The following ROBO2 variants were observed in gnomAD, a reference collection of about 807,000 sequenced individuals.
The protein encoded by ROBO2 is roundabout guidance receptor 2.
Under a neutral mutation model 160.8 loss-of-function variants are expected in ROBO2, and 53 were observed. The observed-to-expected ratio is 0.33, with a 90% CI of 0.26 to 0.41. ROBO2 has a LOEUF of 0.41. Among genes scored for constraint, ROBO2 ranks in the 10% least tolerant of loss-of-function variants. The pLI, the probability that ROBO2 is intolerant of heterozygous loss-of-function variation, is 1.00. For missense variants in ROBO2, 1,577 were observed against 1,722.4 expected (o/e 0.92, Z 1.49); for synonymous variants, 664 against 611.7 (o/e 1.09, Z -1.26).
chr3:76,674,352 C>A (rs140429484), intron 2 of ROBO2, among the ~76,000 whole-genome samples: 277 of 152,104 alleles, frequency 1.8e-3, no homozygotes, highest in South Asian at 9.2e-3. Context: ...ATGGCAGCAT[C>A]CCCCAGGTGG....
chr3:77,251,655 A>T (rs2090361337), intron 2 of ROBO2, among the ~76,000 whole-genome samples: 1 of 151,912 alleles, frequency 6.6e-6, no homozygotes, highest in Admixed American at 6.6e-5. Flanking sequence ...AGCTCCCATA[A>T]TTGTTGTTAG....
At chr3:77,541,119 AT>A (rs1207121403) in intron 6 of ROBO2, among the ~76,000 whole-genome samples, 3 of 152,334 alleles carry the variant, frequency 2.0e-5, no homozygotes, top group African/African-American at 7.2e-5. Flanking sequence ...CAGGCATAAA[AT>A]TATATCCAAA....
chr3:76,907,903 G>A (rs2075721852), intron 2 of ROBO2, among the ~76,000 whole-genome samples: 3 of 150,996 alleles, frequency 2.0e-5, no homozygotes, highest in Admixed American at 1.3e-4. Context: ...GCACTGGCAC[G>A]ACCTCAGGTC....
chr3:76,738,388 C>G (rs1485772577), intron 2 of ROBO2, among the ~76,000 whole-genome samples: 1 of 152,048 alleles, frequency 6.6e-6, no homozygotes, highest in Admixed American at 6.5e-5. Flanking sequence ...CCTTTTGGGC[C>G]AAATAATATT....
intron 2 of ROBO2, among the ~76,000 whole-genome samples, chr3:77,387,956 T>C (rs2074305861): frequency 6.6e-6 from 1 of 152,152 alleles, no homozygotes; most frequent in Admixed American, 6.5e-5. Flanking sequence ...CAGACTTCTC[T>C]TTTAGGCATT....
At chr3:77,268,692 T>C (rs1257979910) in intron 2 of ROBO2, among the ~76,000 whole-genome samples, 2 of 152,232 alleles carry the variant, frequency 1.3e-5, no homozygotes, top group Non-Finnish European at 2.9e-5. Context: ...GAGCAGAAGG[T>C]GTCTTCCTTG....
At chr3:76,408,468 C>A (rs1257184968) in intron 2 of ROBO2, among the ~76,000 whole-genome samples, 2 of 152,030 alleles carry the variant, frequency 1.3e-5, no homozygotes. Flanking sequence ...TTCAAAATCA[C>A]TTTAATTTAG....
chr3:77,213,926 G>A (rs1480997804), intron 2 of ROBO2, among the ~76,000 whole-genome samples: 1 of 152,108 alleles, frequency 6.6e-6, no homozygotes, highest in East Asian at 1.9e-4. Flanking sequence ...TAGTTTGATT[G>A]CACTGTGGTC....
chr3:77,064,544 A>G (rs1411745675), intron 1 of ROBO2, among the ~76,000 whole-genome samples: 1 of 152,056 alleles, frequency 6.6e-6, no homozygotes, highest in African/African-American at 2.4e-5. Flanking sequence ...TATTTTTAGC[A>G]GAGACAGGTT....
At chr3:77,165,223 ATTC>A (rs1277057581) in intron 2 of ROBO2, among the ~76,000 whole-genome samples, 1 of 150,038 alleles carries the variant, frequency 6.7e-6, no homozygotes, top group East Asian at 2.0e-4. Context: ...ACTAAGAAAA[ATTC>A]TTCTGCCTTG....
chr3:77,062,098 A>G (rs2066382686), intron 1 of ROBO2, among the ~76,000 whole-genome samples: 1 of 152,082 alleles, frequency 6.6e-6, no homozygotes, highest in Admixed American at 6.6e-5. Flanking sequence ...GGTGTTTGGG[A>G]TCCCTTTTGA....
chr3:77,537,722 A>G (rs557046635), intron 6 of ROBO2, among the ~76,000 whole-genome samples: 83 of 152,296 alleles, frequency 5.4e-4, no homozygotes, highest in African/African-American at 1.9e-3. Flanking sequence ...TAATCGACTC[A>G]TAGCTCCACA....
chr3:77,454,563 C>T (rs1365300360), intron 2 of ROBO2, among the ~76,000 whole-genome samples: 5 of 152,188 alleles, frequency 3.3e-5, no homozygotes, highest in African/African-American at 1.2e-4. Flanking sequence ...ATCACTCTAA[C>T]TCTCTACTGG....
intron 2 of ROBO2, among the ~76,000 whole-genome samples, chr3:76,032,649 C>T (rs894003446): frequency 1.4e-4 from 21 of 152,102 alleles, no homozygotes; most frequent in African/African-American, 4.8e-4. Context: ...TGTTTAGTTT[C>T]CATGTAGTTG....
At chr3:77,499,016 C>A (rs2087172992) in intron 5 of ROBO2, among the ~76,000 whole-genome samples, 1 of 152,140 alleles carries the variant, frequency 6.6e-6, no homozygotes, top group East Asian at 1.9e-4. Flanking sequence ...AATGAAAAAT[C>A]TTTATTTTTT....
At chr3:75,971,373 A>G (rs2064987947) in intron 2 of ROBO2, among the ~76,000 whole-genome samples, 1 of 151,536 alleles carries the variant, frequency 6.6e-6, no homozygotes, top group Middle Eastern at 3.2e-3. Context: ...TGATGAAGGC[A>G]TCAAAAACTT....
chr3:77,387,918 C>G (rs971694116), intron 2 of ROBO2, among the ~76,000 whole-genome samples: 2 of 152,076 alleles, frequency 1.3e-5, no homozygotes, highest in Non-Finnish European at 2.9e-5. Context: ...AATATCGAAG[C>G]CGTCTAAATC....
chr3:76,611,993 T>A (rs760637440), intron 2 of ROBO2, among the ~76,000 whole-genome samples: 6 of 152,332 alleles, frequency 3.9e-5, no homozygotes, highest in South Asian at 2.1e-4. Context: ...TTTCCTAATT[T>A]CCTTCTTCAT....
At chr3:75,990,848 C>A (rs1439423646) in intron 2 of ROBO2, among the ~76,000 whole-genome samples, 1 of 152,076 alleles carries the variant, frequency 6.6e-6, no homozygotes, top group Non-Finnish European at 1.5e-5. Flanking sequence ...CTGTGAGGGT[C>A]TTTCCATAAG....
Sources: allele counts gnomAD v4.1 joint callset (sites outside exome capture counted in the v4.1 genomes callset), GRCh38; gene constraint gnomAD v4.1.1; transcripts MANE v1.5; gene names NCBI Gene and HGNC (gene_info 2026-07-23, HGNC 2026-07-21).